Variants in OR5AS1 observed in about 807,000 individuals in gnomAD.
The protein encoded by OR5AS1 is olfactory receptor 5AS1.
For missense variants in OR5AS1, 492 were observed against 378.2 expected, an observed-to-expected ratio of 1.30 and a Z score of -2.50; for synonymous variants, 196 against 141.7, an observed-to-expected ratio of 1.38 and a Z score of -2.72.
In OR5AS1 at chr11:56,030,545, A is replaced by G; in HGVS notation, c.127A>G (p.Ile43Val). Reference protein sequence around the residue: ...LVYTLTMVGNILLIILVNINS... With the variant: ...LVYTLTMVGNVLLIILVNINS... ...ATATACATTAACTATGGTCGGAAAT[A>G]TACTCTTAATAATTCTAGTTAATAT... is the stretch of plus-strand genomic sequence containing the variant. Residue 43 changes from isoleucine to valine, a missense_variant, in exon 2 of 2, where the codon ATA (isoleucine) becomes GTA (valine). Ile to Val is a conservative substitution (Grantham distance 29). Coordinates refer to ENST00000641320, the MANE Select transcript of OR5AS1 (RefSeq NM_001001921.2). 6.4e-7 allele frequency: 1 copy of G among 1,557,090 alleles called. No homozygotes were observed. Among genetic ancestry groups the G allele is most frequent in the South Asian group, 1.2e-5 (1 of 84,784 alleles).
Position 56,036,264 on chromosome 11 carries a change from C to T in OR5AS1, c.*4871C>T, listed in dbSNP as rs1400544872. On this transcript the variant is annotated 3_prime_UTR_variant, in exon 2 of 2. Transcript: ENST00000641320. Reference sequence around the variant, plus strand: ...AAACAAATTCAAAAGCCTCAGAAGACAAGAAATAACTAAGATCAGAGCAGA... The same window carrying T: ...AAACAAATTCAAAAGCCTCAGAAGATAAGAAATAACTAAGATCAGAGCAGA... 1 of 151,810 alleles carries T rather than the reference C, an allele frequency of 6.6e-6. No homozygotes were observed. Among genetic ancestry groups the T allele is most frequent in the Non-Finnish European group, 1.5e-5 (1 of 67,962 alleles). The allele number at this position is 151,810 out of a possible 1,614,324, so 9.4% of individuals were successfully genotyped here. A position where few individuals can be genotyped will look rare whatever the true frequency, so the allele number is the denominator to read the frequency against.
rs1460703287 is a variant in OR5AS1, at chr11:56,037,190, T to G, written c.*5797T>G. The G allele has an allele frequency of 6.6e-6, 1 of 152,132 alleles. No homozygotes were observed. The highest frequency in any genetic ancestry group is 1.5e-5 in the Non-Finnish European group (1 of 68,032). 9.4% of individuals were successfully genotyped at this position (152,132 alleles called of 1,614,324 possible). A position where few individuals can be genotyped will look rare whatever the true frequency, so the allele number is the denominator to read the frequency against. On this transcript the variant is annotated 3_prime_UTR_variant, in exon 2 of 2. Coordinates refer to ENST00000641320, the MANE Select transcript of OR5AS1 (RefSeq NM_001001921.2). ...GGGCAAAAACTGGACGCATTCCCTT[T>G]GAAAACCGGCACAAAACAATGATGC...
rs770133414 is a variant in OR5AS1 at position 56,030,665 on chromosome 11, G to A, written c.247G>A (p.Ala83Thr). The A allele has an allele frequency of 7.6e-6, 12 of 1,583,460 alleles. No homozygotes were observed. In the Admixed American group the frequency reaches 2.1e-4, roughly 28 times the overall value. ...TACAGCAATCACTCCTAAAATGCTGGCAAACTTCTTGGCATCCAGGAAAAG... is the reference window on the plus strand; with the variant it reads ...TACAGCAATCACTCCTAAAATGCTGACAAACTTCTTGGCATCCAGGAAAAG... Reference protein sequence around the residue: ...CSTAITPKMLANFLASRKSIS... With the variant: ...CSTAITPKMLTNFLASRKSIS... The change falls in exon 2 of 2, where the codon GCA becomes ACA. Residue 83 changes from alanine to threonine, a missense_variant. By Grantham distance (58) the Ala-to-Thr change is moderately conservative. Coordinates refer to ENST00000641320, the MANE Select transcript of OR5AS1 (RefSeq NM_001001921.2).
Position 56,031,082 on chromosome 11 carries a change from C to G in OR5AS1, c.664C>G (p.Leu222Val). 1.2e-6 allele frequency: 2 copies of G among 1,614,014 alleles called. No individual in the cohort carries two copies. The highest frequency in any genetic ancestry group is 1.7e-6 in the Non-Finnish European group (2 of 1,179,972). The change falls in exon 2 of 2, where the codon CTC (leucine) becomes GTC (valine). Residue 222 changes from leucine to valine, a missense_variant. Transcript: ENST00000641320. ...VVIFISYFCI[L>V]ITVLSIKSSG... ...AATATTTATTTCTTACTTCTGCATC[C>G]TCATCACTGTGTTGAGCATCAAGTC...
In OR5AS1 at chr11:56,033,875, G is replaced by A. The variant is rs1285470641; in HGVS notation, c.*2482G>A. Reference sequence around the variant, plus strand: ...GTTGACAGATACCTCATAGGAGAGAGCTCCAGCTGGCATCTCACAGGTGTG... The same window carrying A: ...GTTGACAGATACCTCATAGGAGAGAACTCCAGCTGGCATCTCACAGGTGTG... On this transcript the variant is annotated 3_prime_UTR_variant, in exon 2 of 2. Transcript: ENST00000641320. 6.6e-6 allele frequency: 1 copy of A among 152,158 alleles called. No individual in the cohort carries two copies. The highest frequency in any genetic ancestry group is 6.5e-5 in the Admixed American group (1 of 15,268). 9.4% of individuals were successfully genotyped at this position (152,158 alleles called of 1,614,324 possible).
chr11:56,027,922 G>GA (rs1011712890), intron 1 of OR5AS1, among the ~76,000 whole-genome samples: 9 of 147,540 alleles, frequency 6.1e-5, no homozygotes, highest in South Asian at 4.2e-4. Flanking sequence ...ATGGCAATTA[G>GA]AAAAAAAAAT....
Position 56,032,851 on chromosome 11 carries a change from G to A in OR5AS1, c.*1458G>A, listed in dbSNP as rs1180973375. The A allele has an allele frequency of 6.6e-6, 1 of 152,132 alleles. No homozygotes were observed. The highest frequency in any genetic ancestry group is 1.5e-5 in the Non-Finnish European group (1 of 68,062). The allele number at this position is 152,132 out of a possible 1,614,324, so 9.4% of individuals were successfully genotyped here. On this transcript the variant is annotated 3_prime_UTR_variant, in exon 2 of 2. Transcript: ENST00000641320. ...TGGCTGGCAAGATGGTCAAATAGGA[G>A]ATGCTCCAGTCTGCTGCTCCCAGCA...
chr11:56,034,341 A>T lies in OR5AS1; in HGVS notation c.*2948A>T, dbSNP rs1227669317. 6.6e-6 allele frequency: 1 copy of T among 152,154 alleles called. No homozygotes were observed. The highest frequency in any genetic ancestry group is 1.5e-5 in the Non-Finnish European group (1 of 68,048). 9.4% of individuals were successfully genotyped at this position (152,154 alleles called of 1,614,324 possible). The stretch of plus-strand genomic sequence containing the variant: ...AGCTAAAGGAGCATGTCCTAACTCA[A>T]TGCAAAGAAGCTAAGAACCTCGAAA... On this transcript the variant is annotated 3_prime_UTR_variant, in exon 2 of 2. Coordinates refer to ENST00000641320, the MANE Select transcript of OR5AS1 (RefSeq NM_001001921.2).
rs974077651 is a variant in OR5AS1, at chr11:56,037,930, C to G, written c.*6537C>G. 1 of 151,990 alleles carries G rather than the reference C, an allele frequency of 6.6e-6. No individual in the cohort carries two copies. Among genetic ancestry groups the G allele is most frequent in the Non-Finnish European group, 1.5e-5 (1 of 68,000 alleles). The allele number at this position is 151,990 out of a possible 1,614,324, so 9.4% of individuals were successfully genotyped here. A position where few individuals can be genotyped will look rare whatever the true frequency, so the allele number is the denominator to read the frequency against. ...CTGGTACCAAAGCAGATATATAGACCAATGGAACAGAATAGAGGCCTCACA... is the reference window on the plus strand; with the variant it reads ...CTGGTACCAAAGCAGATATATAGACGAATGGAACAGAATAGAGGCCTCACA... On this transcript the variant is annotated 3_prime_UTR_variant, in exon 2 of 2. Transcript: ENST00000641320.
At position 56,036,090 on chromosome 11, in the gene OR5AS1, C is replaced by A. The variant is rs1211783175; in HGVS notation, c.*4697C>A. ...ATAAGTTATTTGAAACCAATGAGAACAAAGACACAAGGTATCAGAATCTCT... is the reference window on the plus strand; with the variant it reads ...ATAAGTTATTTGAAACCAATGAGAAAAAAGACACAAGGTATCAGAATCTCT... On this transcript the variant is annotated 3_prime_UTR_variant, in exon 2 of 2. Transcript: ENST00000641320. 6.6e-6 allele frequency: 1 copy of A among 151,884 alleles called. No homozygotes were observed. Among genetic ancestry groups the A allele is most frequent in the East Asian group, 1.9e-4 (1 of 5,178 alleles). The allele number at this position is 151,884 out of a possible 1,614,324, so 9.4% of individuals were successfully genotyped here. A position where few individuals can be genotyped will look rare whatever the true frequency, so the allele number is the denominator to read the frequency against.
rs1411091611 is a variant in OR5AS1 at position 56,032,574 on chromosome 11, T to A, written c.*1181T>A. On this transcript the variant is annotated 3_prime_UTR_variant, in exon 2 of 2. Transcript: ENST00000641320. ...ATATAAATGGTTGGATTAGTTATAT[T>A]GAATTTAACCTTGGACATGGAGACA... 2 of 152,148 alleles carry A rather than the reference T, an allele frequency of 1.3e-5. No individual in the cohort carries two copies. The highest frequency in any genetic ancestry group is 4.8e-5 in the African/African-American group (2 of 41,404). 9.4% of individuals were successfully genotyped at this position (152,148 alleles called of 1,614,324 possible).
Position 56,031,022 on chromosome 11 carries a change from T to C in OR5AS1, c.604T>C (p.Leu202=). 6.2e-7 allele frequency: 1 copy of C among 1,614,168 alleles called. No homozygotes were observed. Among genetic ancestry groups the C allele is most frequent in the Non-Finnish European group, 8.5e-7 (1 of 1,180,012 alleles). ...GATCAACCAGCTTCTGCTCTTTGCTTTGTGCAGCTTCATCCAGACCAGCAC... is the reference window on the plus strand; with the variant it reads ...GATCAACCAGCTTCTGCTCTTTGCTCTGTGCAGCTTCATCCAGACCAGCAC... ...TQINQLLLFA[L]CSFIQTSTFV... is the part of the protein sequence containing the mutation. Residue 202 remains leucine (L), a synonymous_variant, in exon 2 of 2, where the codon TTG becomes CTG. Transcript: ENST00000641320.
Position 56,031,344 on chromosome 11 carries a change from G to T in OR5AS1, c.926G>T (p.Gly309Val). 1.9e-6 allele frequency: 3 copies of T among 1,577,656 alleles called. No homozygotes were observed. The highest frequency in any genetic ancestry group is 3.5e-5 in the Admixed American group (2 of 57,178). ...NALKKLLERI[G>V]YSNEWYLNRL... ...CTCAAAAAGCTATTAGAAAGAATTG[G>T]ATATTCAAATGAATGGTATTTAAAT... is the stretch of plus-strand genomic sequence containing the variant. Residue 309 changes from glycine (G) to valine (V), a missense_variant, in exon 2 of 2, where the codon GGA (glycine) becomes GTA (valine). Coordinates refer to ENST00000641320, the MANE Select transcript of OR5AS1 (RefSeq NM_001001921.2).
chr11:56,030,318 T>C (rs2134691443), intron 1 of OR5AS1, 73 bp from the exon 2 acceptor site: 1 of 635,640 alleles, frequency 1.6e-6, no homozygotes, highest in Middle Eastern at 2.8e-4. Context: ...ATTTGATTCC[T>C]TAGAAGAGAG....
rs903703678 is a variant in OR5AS1, at chr11:56,034,159, G to C, written c.*2766G>C. Reference sequence around the variant, plus strand: ...GGTGAGGAAAAACCAATGCAAAAAGGCTGAAAATTTCTAAAACCAGACATC... The same window carrying C: ...GGTGAGGAAAAACCAATGCAAAAAGCCTGAAAATTTCTAAAACCAGACATC... On this transcript the variant is annotated 3_prime_UTR_variant, in exon 2 of 2. Transcript: ENST00000641320. The C allele has an allele frequency of 6.6e-6, 1 of 152,086 alleles. No individual in the cohort carries two copies. Among genetic ancestry groups the C allele is most frequent in the African/African-American group, 2.4e-5 (1 of 41,362 alleles). 9.4% of individuals were successfully genotyped at this position (152,086 alleles called of 1,614,324 possible). A position where few individuals can be genotyped will look rare whatever the true frequency, so the allele number is the denominator to read the frequency against.
chr11:56,030,550 C>G lies in OR5AS1; in HGVS notation c.132C>G (p.Leu44=), dbSNP rs781644883. ...VYTLTMVGNI[L]LIILVNINSS... is the part of the protein sequence containing the mutation. The stretch of plus-strand genomic sequence containing the variant: ...CATTAACTATGGTCGGAAATATACT[C>G]TTAATAATTCTAGTTAATATTAATT... Residue 44 remains leucine, a synonymous_variant, in exon 2 of 2, where the codon CTC becomes CTG. Coordinates refer to ENST00000641320, the MANE Select transcript of OR5AS1 (RefSeq NM_001001921.2). 9.7e-6 allele frequency: 15 copies of G among 1,551,836 alleles called. No individual in the cohort carries two copies. Among genetic ancestry groups the G allele is most frequent in the Non-Finnish European group, 1.2e-5 (14 of 1,144,962 alleles).
Position 56,033,186 on chromosome 11 carries a change from C to T in OR5AS1, c.*1793C>T, listed in dbSNP as rs1252204716. 4 of 153,110 alleles carry T rather than the reference C, an allele frequency of 2.6e-5. No homozygotes were observed. 9.5% of individuals were successfully genotyped at this position (153,110 alleles called of 1,614,324 possible). On this transcript the variant is annotated 3_prime_UTR_variant, in exon 2 of 2. Coordinates refer to ENST00000641320, the MANE Select transcript of OR5AS1 (RefSeq NM_001001921.2). Reference sequence around the variant, plus strand: ...TCACCAGCTCCCTGGGATTGAAGCACAAAACTCGGTGGCTGTTTGGGCAGG... The same window carrying T: ...TCACCAGCTCCCTGGGATTGAAGCATAAAACTCGGTGGCTGTTTGGGCAGG...
rs376355115 is a variant in OR5AS1, at chr11:56,031,073, T to C, written c.655T>C (p.Phe219Leu). Residue 219 changes from phenylalanine to leucine, a missense_variant, in exon 2 of 2, where the codon TTC (phenylalanine) becomes CTC (leucine). Phe to Leu is a conservative substitution (Grantham distance 22). Transcript: ENST00000641320. The stretch of plus-strand genomic sequence containing the variant: ...TTTTGTGGTAATATTTATTTCTTAC[T>C]TCTGCATCCTCATCACTGTGTTGAG... ...STFVVIFISYFCILITVLSIK... is the reference protein window; with the variant it reads ...STFVVIFISYLCILITVLSIK... The C allele has an allele frequency of 9.7e-5, 156 of 1,613,970 alleles. 2 individuals carry two copies. The South Asian group carries it at 1.7e-3, about 18-fold the overall frequency.
At position 56,037,400 on chromosome 11, in the gene OR5AS1, G is replaced by A. The variant is rs1853418185; in HGVS notation, c.*6007G>A. On this transcript the variant is annotated 3_prime_UTR_variant, in exon 2 of 2. Coordinates refer to ENST00000641320, the MANE Select transcript of OR5AS1 (RefSeq NM_001001921.2). Reference sequence around the variant, plus strand: ...GGCCAAAATCTCCTTAAGCTGATAAGCAACTTCAGCAAAATGTCAGGATAC... The same window carrying A: ...GGCCAAAATCTCCTTAAGCTGATAAACAACTTCAGCAAAATGTCAGGATAC... The A allele has an allele frequency of 6.6e-6, 1 of 152,086 alleles. No homozygotes were observed. The highest frequency in any genetic ancestry group is 1.5e-5 in the Non-Finnish European group (1 of 68,034). 9.4% of individuals were successfully genotyped at this position (152,086 alleles called of 1,614,324 possible).
Sources: allele counts gnomAD v4.1 joint callset (sites outside exome capture counted in the v4.1 genomes callset), GRCh38; gene constraint gnomAD v4.1.1; transcripts MANE v1.5; gene names NCBI Gene and HGNC (gene_info 2026-07-23, HGNC 2026-07-21).